SP6: variants seen among roughly 807,000 people sequenced by gnomAD.
SP6 encodes transcription factor Sp6.
A neutral mutation model predicts 23.4 loss-of-function variants in SP6; 10 were observed. That is an observed-to-expected ratio of 0.43 (90% CI 0.26 to 0.72). The LOEUF (loss-of-function observed/expected upper bound fraction) is 0.72, where lower values mean the gene tolerates loss of function less well. Ranked by LOEUF, SP6 falls within the 30% of genes least tolerant of loss-of-function variation. The pLI is 0.23. For missense variants in SP6, 482 were observed against 523.8 expected (o/e 0.92, Z 0.78); for synonymous variants, 238 against 238.7 (o/e 1.00, Z 0.03).
intron 1 of SP6, among the ~76,000 whole-genome samples, chr17:47,849,424 A>C (rs1254936392): frequency 6.6e-6 from 1 of 152,218 alleles, no homozygotes; most frequent in Non-Finnish European, 1.5e-5. Context: ...GAGGGCAACA[A>C]GAGAAGTCAT....
rs189323954 is a variant in SP6, at chr17:47,846,716, A to G, written c.*583T>C. 1.2e-4 allele frequency: 19 copies of G among 152,358 alleles called. No homozygotes were observed. The highest frequency in any genetic ancestry group is 1.2e-3 in the Admixed American group (19 of 15,304). 9.4% of individuals were successfully genotyped at this position (152,358 alleles called of 1,614,324 possible). On this transcript the variant is annotated 3_prime_UTR_variant, in exon 2 of 2. Transcript: ENST00000536300. ...AGCTCATCAAAGGAGTTATTTTTAC[A>G]GCAACAACCCTCCAAACCAGAAAGA...
chr17:47,860,577 T>C (rs1323225590), upstream of SP6, among the ~76,000 whole-genome samples: 1 of 152,028 alleles, frequency 6.6e-6, no homozygotes, highest in Non-Finnish European at 1.5e-5. Context: ...ATAAATCCCC[T>C]TGTCGGCTGG....
chr17:47,866,807 A>T, the SP6 span, among the ~76,000 whole-genome samples: 1 of 152,148 alleles, frequency 6.6e-6, no homozygotes, highest in African/African-American at 2.4e-5. Flanking sequence ...CCTTGTGTCC[A>T]ATCACAATTC....
chr17:47,875,332 T>TC, the SP6 span, among the ~76,000 whole-genome samples: 1 of 151,884 alleles, frequency 6.6e-6, no homozygotes, highest in South Asian at 2.1e-4. Context: ...TGTTCCGCAG[T>TC]CCCCCCCAAG....
At chr17:47,850,669 T>TA (rs1413025141) in intron 1 of SP6, among the ~76,000 whole-genome samples, 2 of 152,176 alleles carry the variant, frequency 1.3e-5, no homozygotes, top group Non-Finnish European at 2.9e-5. Flanking sequence ...CACCGGCTAG[T>TA]ACTCCCAGTT....
the SP6 span, among the ~76,000 whole-genome samples, chr17:47,875,021 C>A: frequency 6.6e-6 from 1 of 152,164 alleles, no homozygotes; most frequent in Non-Finnish European, 1.5e-5. Context: ...CCCCTCAGCC[C>A]CCTTTTCCGG....
chr17:47,852,534 CA>C (rs781198624), upstream of SP6, among the ~76,000 whole-genome samples: 9 of 152,162 alleles, frequency 5.9e-5, no homozygotes, highest in Non-Finnish European at 1.3e-4. Context: ...TTCCTCTTTA[CA>C]GTCGATTTCA....
At chr17:47,873,470 G>A in the SP6 span, among the ~76,000 whole-genome samples, 2 of 152,220 alleles carry the variant, frequency 1.3e-5, no homozygotes, top group Non-Finnish European at 2.9e-5. Context: ...TTAACAGCAT[G>A]CCAGCTGGGG....
At chr17:47,863,420 G>T in the SP6 span, 2 of 152,086 alleles carry the variant, frequency 1.3e-5, no homozygotes, top group African/African-American at 4.8e-5. Context: ...TAAGTGCTTT[G>T]TAAGTTTGTT....
At chr17:47,855,245 C>A (rs977594493), upstream of SP6, among the ~76,000 whole-genome samples, 1 of 152,120 alleles carries the variant, frequency 6.6e-6, no homozygotes, top group African/African-American at 2.4e-5. Flanking sequence ...TACCTGTGGG[C>A]TTGAGTGTAG....
the SP6 span, among the ~76,000 whole-genome samples, chr17:47,874,062 CTCCCTCCTCCT>C: frequency 6.7e-6 from 1 of 149,480 alleles, no homozygotes; most frequent in Non-Finnish European, 1.5e-5. Context: ...CTTCTCCTTC[CTCCCTCCTCCT>C]TCCCTCCTCC....
At position 47,847,367 on chromosome 17, in the gene SP6, C is replaced by CT. The variant is rs1358657827; in HGVS notation, c.1062_1063insA (p.Gly355ArgfsTer84). The CT allele has an allele frequency of 6.2e-7, 1 of 1,608,534 alleles. No individual in the cohort carries two copies. Among genetic ancestry groups the CT allele is most frequent in the East Asian group, 2.2e-5 (1 of 44,716 alleles). On this transcript the variant is annotated frameshift_variant, in exon 2 of 2. Coordinates refer to ENST00000536300, the MANE Select transcript of SP6 (RefSeq NM_001258248.2). LOFTEE classifies it high-confidence loss of function. ...TTGCCCCCGGGGGGCTCCACTGCGC[C>CT]GCCGGCCTTGCCCTCTCCCGAGGCC...
chr17:47,863,858 C>G, the SP6 span, among the ~76,000 whole-genome samples: 2 of 151,844 alleles, frequency 1.3e-5, no homozygotes, highest in East Asian at 1.9e-4. Flanking sequence ...CCTGCCTCAG[C>G]CTCCCAAGTA....
the SP6 span, chr17:47,863,259 T>C: frequency 6.6e-6 from 1 of 152,270 alleles, no homozygotes; most frequent in Non-Finnish European, 1.5e-5. Context: ...ATTCCACAGA[T>C]ATTTTTAAGC....
Position 47,848,431 on chromosome 17 carries a change from GC to G in SP6, c.-3del. 1 of 1,500,658 alleles carries G rather than the reference GC, an allele frequency of 6.7e-7. No individual in the cohort carries two copies. Among genetic ancestry groups the G allele is most frequent in the Non-Finnish European group, 8.9e-7 (1 of 1,121,292 alleles). 93.0% of individuals were successfully genotyped at this position (1,500,658 alleles called of 1,614,324 possible). ...AGAGCCGCAGACAGCGGTTAGCATT[GC>G]CGGGATCCGGGGTGGGGTGAGGGCA... On this transcript the variant is annotated 5_prime_UTR_variant, in exon 2 of 2. Transcript: ENST00000536300. The surrounding 1 kb of genome is among the most constrained non-coding windows in gnomAD (Gnocchi z 5.3).
In SP6 at chr17:47,847,061, G is replaced by C. The variant is rs1357292598; in HGVS notation, c.*238C>G. ...CAGGGGCGAGGGAAACTGTGAGGCA[G>C]GGGAGAACAGAGGGGCATTGCGCAG... On this transcript the variant is annotated 3_prime_UTR_variant, in exon 2 of 2. Transcript: ENST00000536300. 2 of 543,648 alleles carry C rather than the reference G, an allele frequency of 3.7e-6. No individual in the cohort carries two copies. The highest frequency in any genetic ancestry group is 3.9e-5 in the African/African-American group (2 of 51,932). 33.7% of individuals were successfully genotyped at this position (543,648 alleles called of 1,614,324 possible).
Position 47,845,403 on chromosome 17 carries a change from G to C in SP6, c.*1896C>G, listed in dbSNP as rs1671337228. Reference sequence around the variant, plus strand: ...TCTGGTTGGGTTAGCAGGAGGTAGGGAAAAGAGAAAGAAAGAAAGAACATT... The same window carrying C: ...TCTGGTTGGGTTAGCAGGAGGTAGGCAAAAGAGAAAGAAAGAAAGAACATT... On this transcript the variant is annotated 3_prime_UTR_variant, in exon 2 of 2. Transcript: ENST00000536300. The C allele has an allele frequency of 6.6e-6, 1 of 152,168 alleles. No homozygotes were observed. Among genetic ancestry groups the C allele is most frequent in the African/African-American group, 2.4e-5 (1 of 41,422 alleles). 9.4% of individuals were successfully genotyped at this position (152,168 alleles called of 1,614,324 possible).
Position 47,847,232 on chromosome 17 carries a change from A to G in SP6, c.*67T>C. ...CCTCTTCCTCAAGCCACCCCCAAGG[A>G]CGTCAGACCTGGGGGCTCGCATCCA... On this transcript the variant is annotated 3_prime_UTR_variant, in exon 2 of 2. Coordinates refer to ENST00000536300, the MANE Select transcript of SP6 (RefSeq NM_001258248.2). 7.1e-7 allele frequency: 1 copy of G among 1,410,158 alleles called. No individual in the cohort carries two copies. Among genetic ancestry groups the G allele is most frequent in the East Asian group, 2.5e-5 (1 of 39,780 alleles). The allele number at this position is 1,410,158 out of a possible 1,614,324, so 87.4% of individuals were successfully genotyped here.
chr17:47,856,082 T>C (rs771846833), upstream of SP6, among the ~76,000 whole-genome samples: 4 of 152,158 alleles, frequency 2.6e-5, no homozygotes, highest in Non-Finnish European at 4.4e-5. Flanking sequence ...TCCATGGACT[T>C]GGTAAGAGAG....
Sources: gnomAD v4.1 joint callset for allele counts (sites outside exome capture counted in the v4.1 genomes callset) on GRCh38, gnomAD v4.1.1 for gene constraint, Gnocchi (gnomAD v3.1) non-coding constraint, MANE v1.5 for transcripts, NCBI Gene and HGNC (gene_info 2026-07-23, HGNC 2026-07-21) for gene names.